RAI14: variants seen among roughly 807,000 people sequenced by gnomAD.
RAI14 encodes the protein ankycorbin.
RAI14 carries 45 observed loss-of-function variants against 115.4 expected under a neutral mutation model. That is an observed-to-expected ratio of 0.39 (90% CI 0.31 to 0.50). The LOEUF (loss-of-function observed/expected upper bound fraction) is 0.50. RAI14 is among the 20% of genes least tolerant of loss of function. The probability of loss-of-function intolerance (pLI) is 0.85; values close to 1 mark genes in which losing one functional copy is unlikely to be tolerated. For synonymous variants in RAI14, 371 were observed against 415.4 expected, an observed-to-expected ratio of 0.89 and a Z score of 1.30; for missense variants, 939 against 1,131.2, an observed-to-expected ratio of 0.83 and a Z score of 2.44.
At chr5:34,773,473 T>C (rs896467732) in intron 3 of RAI14, among the ~76,000 whole-genome samples, 1 of 152,156 alleles carries the variant, frequency 6.6e-6, no homozygotes, top group Non-Finnish European at 1.5e-5. Context: ...AGAGACAACC[T>C]GTCGAATGAG....
intron 3 of RAI14, among the ~76,000 whole-genome samples, chr5:34,784,154 C>A (rs1051253947): frequency 1.3e-5 from 2 of 152,116 alleles, no homozygotes; most frequent in African/African-American, 2.4e-5. Context: ...TGTAATGAAC[C>A]ACATATGAAG....
At chr5:34,799,397 A>G (rs1451468560) in intron 4 of RAI14, among the ~76,000 whole-genome samples, 2 of 152,034 alleles carry the variant, frequency 1.3e-5, no homozygotes, top group Admixed American at 6.6e-5. Context: ...AGATGCAGTC[A>G]CCTTCAATCT....
intron 2 of RAI14, among the ~76,000 whole-genome samples, chr5:34,722,860 A>G (rs1385818342): frequency 1.3e-5 from 2 of 152,074 alleles, no homozygotes; most frequent in Non-Finnish European, 2.9e-5. Flanking sequence ...ACTGGAGGTC[A>G]GGAATTTGAG....
At chr5:34,776,813 A>AAAAAACAACAAAAAAAAAC (rs1287027983) in intron 3 of RAI14, among the ~76,000 whole-genome samples, 536 of 147,612 alleles carry the variant, frequency 3.6e-3, no homozygotes, top group Non-Finnish European at 6.3e-3. Context: ...TATTAAAAAA[A>AAAAAACAACAAAAAAAAAC]CCCACCAAAA....
chr5:34,685,550 T>C (rs566775922), intron 1 of RAI14: 2 of 150,064 alleles, frequency 1.3e-5, no homozygotes, highest in African/African-American at 4.9e-5. Flanking sequence ...AAACTACCTA[T>C]ACCCCCCAAA....
At chr5:34,694,328 T>C (rs1444061147) in intron 2 of RAI14, among the ~76,000 whole-genome samples, 1 of 152,246 alleles carries the variant, frequency 6.6e-6, no homozygotes, top group African/African-American at 2.4e-5. Context: ...AATCAGCCTG[T>C]GGATATTTTC....
At chr5:34,705,135 C>A (rs1688314856) in intron 2 of RAI14, among the ~76,000 whole-genome samples, 1 of 152,036 alleles carries the variant, frequency 6.6e-6, no homozygotes, top group Admixed American at 6.6e-5. Context: ...AAAACAGATA[C>A]TCAATGCAAA....
intron 2 of RAI14, among the ~76,000 whole-genome samples, chr5:34,742,797 G>A (rs1745686291): frequency 6.6e-6 from 1 of 152,088 alleles, no homozygotes; most frequent in African/African-American, 2.4e-5. Context: ...CTGAGTAGCT[G>A]GGATTACAGG....
chr5:34,719,702 T>C (rs1742432639), intron 2 of RAI14, among the ~76,000 whole-genome samples: 1 of 152,216 alleles, frequency 6.6e-6, no homozygotes, highest in Non-Finnish European at 1.5e-5. Context: ...AGCTTTGAAC[T>C]GGAGCCTGGG....
chr5:34,706,083 GACT>G (rs1257532648), intron 2 of RAI14, among the ~76,000 whole-genome samples: 2 of 152,132 alleles, frequency 1.3e-5, no homozygotes, highest in Non-Finnish European at 2.9e-5. Context: ...TGTGATTTTG[GACT>G]TTCTGTGTTT....
At chr5:34,779,850 AC>A (rs1751381386) in intron 3 of RAI14, among the ~76,000 whole-genome samples, 1 of 152,184 alleles carries the variant, frequency 6.6e-6, no homozygotes, top group South Asian at 2.1e-4. Context: ...GACTTTCTTC[AC>A]AGAATTGGAA....
chr5:34,819,443 A>T (rs1183788805), intron 13 of RAI14, among the ~76,000 whole-genome samples: 1 of 152,088 alleles, frequency 6.6e-6, no homozygotes, highest in East Asian at 1.9e-4. Context: ...CCACCATGCC[A>T]CCTCCATGAC....
At chr5:34,666,800 A>G (rs1035061105) in intron 1 of RAI14, among the ~76,000 whole-genome samples, 1 of 150,458 alleles carries the variant, frequency 6.6e-6, no homozygotes, top group Non-Finnish European at 1.5e-5. Flanking sequence ...GTCCTCGAAT[A>G]AGGTCAGGGC....
At chr5:34,707,636 C>T (rs1740866865) in intron 2 of RAI14, among the ~76,000 whole-genome samples, 1 of 152,062 alleles carries the variant, frequency 6.6e-6, no homozygotes. Context: ...TGCAAAGTCC[C>T]CCAGGCATCT....
intron 5 of RAI14, among the ~76,000 whole-genome samples, chr5:34,806,697 G>C (rs1754945186): frequency 6.6e-6 from 1 of 152,154 alleles, no homozygotes; most frequent in South Asian, 2.1e-4. Flanking sequence ...TGATGCTGTT[G>C]ATGGAGAAGG....
chr5:34,759,743 A>G (rs1464849463), intron 3 of RAI14, among the ~76,000 whole-genome samples: 2 of 152,344 alleles, frequency 1.3e-5, no homozygotes, highest in East Asian at 3.9e-4. Context: ...AATGTGCTTG[A>G]ATCATCCCAA....
At chr5:34,721,331 G>T (rs1176619205) in intron 2 of RAI14, among the ~76,000 whole-genome samples, 1 of 142,540 alleles carries the variant, frequency 7.0e-6, no homozygotes, top group Non-Finnish European at 1.5e-5. Context: ...ATATAGATGT[G>T]TATGTATGTA....
chr5:34,657,647 G>A (rs1742382903), intron 1 of RAI14, among the ~76,000 whole-genome samples: 1 of 152,242 alleles, frequency 6.6e-6, no homozygotes, highest in African/African-American at 2.4e-5. Flanking sequence ...TTCCGGGAGA[G>A]GAGAATGCCC....
At chr5:34,800,807 C>G (rs553108162) in intron 4 of RAI14, among the ~76,000 whole-genome samples, 4 of 152,088 alleles carry the variant, frequency 2.6e-5, no homozygotes, top group Non-Finnish European at 2.9e-5. Context: ...TTTGGAGAAC[C>G]AGGTCTTTTT....
Sources: gnomAD v4.1 joint callset for allele counts (sites outside exome capture counted in the v4.1 genomes callset) on GRCh38, gnomAD v4.1.1 for gene constraint, MANE v1.5 for transcripts, NCBI Gene and HGNC (gene_info 2026-07-23, HGNC 2026-07-21) for gene names.